Variants in KRT8 observed in about 807,000 individuals in gnomAD.
KRT8 encodes the protein keratin, type II cytoskeletal 8.
KRT8 carries 24 observed loss-of-function variants against 43.0 expected under a neutral mutation model. The observed-to-expected ratio is 0.56, with a 90% CI of 0.40 to 0.78. The LOEUF (loss-of-function observed/expected upper bound fraction) is 0.78. Ranked by LOEUF, KRT8 falls within the 30% of genes least tolerant of loss-of-function variation. KRT8 has a pLI of 0.00. For missense variants in KRT8, 492 were observed against 638.4 expected, an observed-to-expected ratio of 0.77 and a Z score of 2.47; for synonymous variants, 214 against 261.2, an observed-to-expected ratio of 0.82 and a Z score of 1.74.
chr12:52,900,711 G>T, intron 3 of KRT8, 28 bp from the exon 4 acceptor site: 1 of 1,552,306 alleles, frequency 6.4e-7, no homozygotes, highest in African/African-American at 1.4e-5. Context: ...GGGAGCCTGA[G>T]CTGGGTTTCC....
At chr12:52,928,331 A>C (rs1318948582) in intron 2 of KRT8, among the ~76,000 whole-genome samples, 2 of 152,130 alleles carry the variant, frequency 1.3e-5, no homozygotes, top group Non-Finnish European at 2.9e-5. Context: ...TTGGTGTCCC[A>C]AGGAGCCCCC....
At chr12:52,918,180 G>GGAAGAAGAAGAAGAATAA (rs1941799339) in intron 2 of KRT8, among the ~76,000 whole-genome samples, 1 of 73,718 alleles carries the variant, frequency 1.4e-5, no homozygotes, top group East Asian at 4.9e-4. Flanking sequence ...AAGAGGAAGA[G>GGAAGAAGAAGAAGAATAA]GAAGAAGAAG....
chr12:52,929,480 C>T (rs1314249348), intron 2 of KRT8, among the ~76,000 whole-genome samples: 1 of 152,184 alleles, frequency 6.6e-6, no homozygotes, highest in Non-Finnish European at 1.5e-5. Flanking sequence ...AGGCGTGAGC[C>T]ACCTCGTCCA....
At chr12:52,898,973 AG>A in intron 5 of KRT8, 74 bp from the exon 6 acceptor site, 1 of 1,352,052 alleles carries the variant, frequency 7.4e-7, no homozygotes, top group Non-Finnish European at 1.0e-6. Context: ...ACCCTCCCTC[AG>A]GGTCCTCCCC....
chr12:52,929,014 CGTT>C (rs1477969337), intron 2 of KRT8, among the ~76,000 whole-genome samples: 1 of 152,146 alleles, frequency 6.6e-6, no homozygotes, highest in African/African-American at 2.4e-5. Flanking sequence ...AGACCATACT[CGTT>C]GTCAATTTTT....
At chr12:52,900,893 T>A (rs1359965347) in intron 3 of KRT8, 1 of 636,698 alleles carries the variant, frequency 1.6e-6, no homozygotes, top group African/African-American at 1.8e-5. Context: ...CTCTTCCACC[T>A]CCTTCTCTAG....
intron 2 of KRT8, among the ~76,000 whole-genome samples, chr12:52,925,692 A>T (rs564629364): frequency 6.6e-6 from 1 of 152,128 alleles, no homozygotes; most frequent in Non-Finnish European, 1.5e-5. Context: ...CCCTTCAAGG[A>T]AAGTTGGGCT....
intron 2 of KRT8, among the ~76,000 whole-genome samples, chr12:52,921,179 G>A (rs897252098): frequency 2.8e-4 from 42 of 152,200 alleles, no homozygotes; most frequent in Admixed American, 2.4e-3. Context: ...GTGTGTTTAT[G>A]CATTCCCTAC....
chr12:52,907,580 G>A (rs1195952087), upstream of KRT8, among the ~76,000 whole-genome samples: 1 of 152,224 alleles, frequency 6.6e-6, no homozygotes, highest in Non-Finnish European at 1.5e-5. Context: ...GAGGACAGAG[G>A]GGGTTGCCAG....
At chr12:52,917,602 G>A (rs188231796) in intron 2 of KRT8, among the ~76,000 whole-genome samples, 253 of 151,902 alleles carry the variant, frequency 1.7e-3, no homozygotes, top group African/African-American at 6.0e-3. Flanking sequence ...CCAGCTACTT[G>A]GGAGGCTGAG....
chr12:52,905,029 T>C (rs1312169068), exon 1 of KRT8: 1 of 1,570,878 alleles, frequency 6.4e-7, no homozygotes, highest in Non-Finnish European at 8.6e-7. Flanking sequence ...GCGGAGATCC[T>C]AGAAGGAGCG....
At chr12:52,918,191 A>AAGAAGAAGG (rs1941803633) in intron 2 of KRT8, among the ~76,000 whole-genome samples, 1 of 121,946 alleles carries the variant, frequency 8.2e-6, no homozygotes, top group African/African-American at 3.4e-5. Context: ...GAAGAAGAAG[A>AAGAAGAAGG]AGAAGAAGAA....
intron 2 of KRT8, among the ~76,000 whole-genome samples, chr12:52,925,829 G>A (rs988259831): frequency 6.6e-6 from 1 of 152,132 alleles, no homozygotes; most frequent in Non-Finnish European, 1.5e-5. Context: ...GAGGACAGGA[G>A]GTGGAGCCTA....
chr12:52,933,029 T>G (rs1186973111), intron 2 of KRT8, among the ~76,000 whole-genome samples: 2 of 152,154 alleles, frequency 1.3e-5, no homozygotes, highest in Non-Finnish European at 2.9e-5. Context: ...CCGCAACCTC[T>G]GCCTCCCAGG....
chr12:52,925,272 T>C (rs1481881665), intron 2 of KRT8, among the ~76,000 whole-genome samples: 4 of 152,162 alleles, frequency 2.6e-5, no homozygotes, highest in Non-Finnish European at 4.4e-5. Flanking sequence ...AGGGTGAGCC[T>C]GTCCAGAGCC....
intron 2 of KRT8, among the ~76,000 whole-genome samples, chr12:52,927,371 GCCTCC>G (rs1942011747): frequency 6.6e-6 from 1 of 152,212 alleles, no homozygotes; most frequent in African/African-American, 2.4e-5. Flanking sequence ...CCACCCTTGG[GCCTCC>G]CCTGGGGAAA....
At chr12:52,900,748 C>A in intron 3 of KRT8, 65 bp from the exon 4 acceptor site, 1 of 1,103,140 alleles carries the variant, frequency 9.1e-7, no homozygotes, top group Non-Finnish European at 1.4e-6. Context: ...AAGGGGCTCC[C>A]AAGGTCCACC....
chr12:52,946,033 G>T (rs537069538), intron 2 of KRT8, among the ~76,000 whole-genome samples: 10 of 152,276 alleles, frequency 6.6e-5, no homozygotes, highest in African/African-American at 1.9e-4. Context: ...GAAGCCCGAG[G>T]TCGGTATTTG....
At chr12:52,897,385 G>C (rs1050380499) in exon 8 of KRT8, 7 of 1,545,606 alleles carry the variant, frequency 4.5e-6, no homozygotes, top group Non-Finnish European at 6.2e-6. Context: ...CAGGCTCTGG[G>C]GCAGCGCAGG....
Sources: gnomAD v4.1 joint callset for allele counts (sites outside exome capture counted in the v4.1 genomes callset) on GRCh38, gnomAD v4.1.1 for gene constraint, MANE v1.5 for transcripts, NCBI Gene and HGNC (gene_info 2026-07-23, HGNC 2026-07-21) for gene names.